The following KMT2D variants were observed in gnomAD, a reference collection of about 807,000 sequenced individuals.
KMT2D encodes the protein histone-lysine N-methyltransferase 2D.
A neutral mutation model predicts 512.7 loss-of-function variants in KMT2D; 55 were observed. The observed-to-expected ratio is 0.11, with a 90% confidence interval of 0.09 to 0.13. The LOEUF (loss-of-function observed/expected upper bound fraction) is 0.13. Among genes scored for constraint, KMT2D ranks in the 10% least tolerant of loss-of-function variants. The pLI is 1.00. For missense variants in KMT2D, 6,061 were observed against 7,127.9 expected, an observed-to-expected ratio of 0.85 and a Z score of 5.39; for synonymous variants, 2,995 against 2,904.0, an observed-to-expected ratio of 1.03 and a Z score of -1.01.
intron 49 of KMT2D, among the ~76,000 whole-genome samples, chr12:49,025,696 C>T (rs1449553611): frequency 6.6e-6 from 1 of 152,170 alleles, no homozygotes; most frequent in Non-Finnish European, 1.5e-5. Context: ...TAATACTTAC[C>T]TCATAGGGTT....
chr12:49,029,011 C>T (rs1171464721), intron 45 of KMT2D, 50 bp downstream of exon 45: 13 of 1,607,962 alleles, frequency 8.1e-6, no homozygotes, highest in East Asian at 2.2e-5. Context: ...CCCCCAGCTT[C>T]GGACAACCCA....
At position 49,038,580 on chromosome 12, in the gene KMT2D, C is replaced by A. The variant is rs1032971422; in HGVS notation, c.8776G>T (p.Val2926Leu). 1 of 1,612,510 alleles carries A rather than the reference C, an allele frequency of 6.2e-7. No homozygotes were observed. Among genetic ancestry groups the A allele is most frequent in the Non-Finnish European group, 8.5e-7 (1 of 1,179,220 alleles). Residue 2926 changes from valine (V) to leucine (L), a missense_variant, in exon 35 of 55, where the codon GTA becomes TTA. By Grantham distance (32) the Val-to-Leu change is conservative. Around this residue, in one of 16 missense-constraint regions of KMT2D, gnomAD observed 527 missense variants for 578.9 expected, o/e 0.91. Transcript: ENST00000301067. This position sits in a 1 kb window ranked among gnomAD's most constrained non-coding sequence, Gnocchi z 5.7. ...GGTTTCTGTGGGGGAAGACCTGATA[C>A]CGCCAGGCCCCGAAGCCCTTCAGGA... ...LAPEGLRGLA[V>L]SGLPPQKPSA...
At chr12:49,034,008 C>G (rs758827949) in intron 39 of KMT2D, 44 bp from the exon 40 acceptor site, 2 of 1,565,166 alleles carry the variant, frequency 1.3e-6, no homozygotes, top group South Asian at 2.3e-5. Flanking sequence ...GCATGCTCCC[C>G]CCATGCCAAC....
At position 49,050,691 on chromosome 12, in the gene KMT2D, T is replaced by A. The variant is rs370259382; in HGVS notation, c.2897A>T (p.Asp966Val). The change falls in exon 12 of 55, where the codon GAC becomes GTC. Residue 966 changes from aspartate to valine, a missense_variant. Transcript: ENST00000301067. ...AGCCAACGGTGACTCAGGGTCACTG[T>A]CCCCTTTGGCACCAAAGGGGTACTC... ...ELEYPFGAKG[D>V]SDPESPLAAP... The A allele has an allele frequency of 1.2e-6, 2 of 1,612,940 alleles. No individual in the cohort carries two copies. Among genetic ancestry groups the A allele is most frequent in the East Asian group, 2.2e-5 (1 of 44,816 alleles).
rs375609745 is a variant in KMT2D at position 49,052,787 on chromosome 12, C to T, written c.1113-78G>A. The T allele has an allele frequency of 8.1e-5, 128 of 1,585,118 alleles. No individual in the cohort carries two copies. In the African/African-American group the frequency reaches 1.3e-3, roughly 16 times the overall value. On this transcript the variant is annotated intron_variant, in intron 9 of 54. Transcript: ENST00000301067. ...CTAGAGAGCACACTGGGGGGAGGCA[C>T]GAATGCTGTGGATGGCACTGCCCAC...
rs191112586 is a variant in KMT2D, at chr12:49,034,115, G to A, written c.10692C>T (p.Leu3564=). 7 of 1,613,000 alleles carry A rather than the reference G, an allele frequency of 4.3e-6. No individual in the cohort carries two copies. The Admixed American group carries it at 8.3e-5, about 19-fold the overall frequency. The change falls in exon 39 of 55, where the codon CTC becomes CTT. Residue 3564 remains leucine (L), a synonymous_variant. Transcript: ENST00000301067. The part of the protein sequence containing the change: ...REFPEADAEK[L]KLVTEQQSKI... ...TGCTCTGCTGCTCTGTAACCAGCTT[G>A]AGCTTCTCAGCATCAGCTTCTGGGA...
intron 1 of KMT2D, among the ~76,000 whole-genome samples, chr12:49,055,819 C>CA (rs1281797703): frequency 6.6e-6 from 1 of 152,120 alleles, no homozygotes. Context: ...CTGAGTCCAG[C>CA]AAAAATCCCT....
At position 49,054,728 on chromosome 12, in the gene KMT2D, G is replaced by A. The variant is rs763380529; in HGVS notation, c.200C>T (p.Ala67Val). ...DCSGGPVRRC[A>V]LCNCGEPSLH... Reference sequence around the variant, plus strand: ...ACTGGGCTCCCCGCAGTTACAGAGAGCACAACGCCGCACCGGACCCCCACT... The same window carrying A: ...ACTGGGCTCCCCGCAGTTACAGAGAACACAACGCCGCACCGGACCCCCACT... The change falls in exon 4 of 55, where the codon GCT becomes GTT. Residue 67 changes from alanine (A) to valine (V), a missense_variant. Ala to Val is a moderately conservative substitution (Grantham distance 64, BLOSUM62 0). Coordinates refer to ENST00000301067, the MANE Select transcript of KMT2D (RefSeq NM_003482.4). The surrounding 1 kb of genome is among the most constrained non-coding windows in gnomAD (Gnocchi z 6.4). 1.9e-6 allele frequency: 3 copies of A among 1,613,690 alleles called. No homozygotes were observed. The highest frequency in any genetic ancestry group is 2.5e-6 in the Non-Finnish European group (3 of 1,179,742).
chr12:49,059,024 C>A (rs1938579786), intron 1 of KMT2D, among the ~76,000 whole-genome samples: 1 of 152,166 alleles, frequency 6.6e-6, no homozygotes, highest in Non-Finnish European at 1.5e-5. Flanking sequence ...AGCCCCGCCT[C>A]CTTCTTGCCC....
In KMT2D at chr12:49,024,787, C is replaced by A. The variant is rs756768429; in HGVS notation, c.15921+23G>T. 1.2e-6 allele frequency: 2 copies of A among 1,610,164 alleles called. No individual in the cohort carries two copies. Among genetic ancestry groups the A allele is most frequent in the Non-Finnish European group, 1.7e-6 (2 of 1,177,068 alleles). The stretch of plus-strand genomic sequence containing the variant: ...AAGTTCTCAGTGCCCGCCAAGCCCC[C>A]CAGCTCCCAGCCCCTTCCTTACTGA... On this transcript the variant is annotated intron_variant, in intron 50 of 54. Coordinates refer to ENST00000301067, the MANE Select transcript of KMT2D (RefSeq NM_003482.4). This position sits in a 1 kb window ranked among gnomAD's most constrained non-coding sequence, Gnocchi z 4.5.
chr12:49,044,564 T>C lies in KMT2D; in HGVS notation c.4964-42A>G, dbSNP rs12304391. 7.1e-3 allele frequency: 11,483 copies of C among 1,606,380 alleles called. 678 individuals carry two copies. The African/African-American group carries it at 0.13, about 18-fold the overall frequency. ...AAGAGATGGAGGCAAATCAGAACTA[T>C]AGGCCCTTTTAACCTTGTCATCCTG... On this transcript the variant is annotated intron_variant, in intron 20 of 54. Transcript: ENST00000301067. This position sits in a 1 kb window ranked among gnomAD's most constrained non-coding sequence, Gnocchi z 6.4.
At position 49,055,788 on chromosome 12, in the gene KMT2D, G is replaced by A. The variant is rs373610943; in HGVS notation, c.-37-427C>T. On this transcript the variant is annotated intron_variant, in intron 1 of 54. Coordinates refer to ENST00000301067, the MANE Select transcript of KMT2D (RefSeq NM_003482.4). ...AGAGGCCAGTCTGTGCCAACCCAGGGGTAGTCATGACCCAGGAAGCCTGAG... is the reference window on the plus strand; with the variant it reads ...AGAGGCCAGTCTGTGCCAACCCAGGAGTAGTCATGACCCAGGAAGCCTGAG... 7.2e-5 allele frequency among the ~76,000 whole-genome samples: 11 copies of A among 152,262 alleles called. No individual in the cohort carries two copies. In the South Asian group the frequency reaches 2.3e-3, roughly 32 times the overall value.
chr12:49,042,287 T>C lies in KMT2D; in HGVS notation c.5911A>G (p.Ser1971Gly). 1.9e-6 allele frequency: 3 copies of C among 1,564,488 alleles called. No homozygotes were observed. Among genetic ancestry groups the C allele is most frequent in the Admixed American group, 1.9e-5 (1 of 52,722 alleles). Residue 1971 changes from serine to glycine, a missense_variant, in exon 29 of 55, where the codon AGC becomes GGC. Physicochemically the swap from Ser to Gly is moderately conservative, Grantham distance 56. Transcript: ENST00000301067. This position sits in a 1 kb window ranked among gnomAD's most constrained non-coding sequence, Gnocchi z 4.4. ...FFSPEPGEPD[S>G]PWTGSGGTTP... is the part of the protein sequence containing the mutation. ...GTGCCACCTGAGCCCGTCCAGGGGC[T>C]GTCGGGCTCACCGGGTTCCGGGCTA...
rs756972898 is a variant in KMT2D, at chr12:49,042,627, T to C, written c.5801A>G (p.Asn1934Ser). ...GTCCATTGGGCTGCTGGAGGGCAGA[T>C]TGCCCAAAGGGAGTCCACCTACAAG... ...PFLQGGLPLG[N>S]LPSSSPMDSY... The change falls in exon 28 of 55, where the codon AAT becomes AGT. Residue 1934 changes from asparagine to serine, a missense_variant. This residue lies in a region of KMT2D where 640 missense variants were observed against 814.3 expected (regional missense o/e 0.79). Transcript: ENST00000301067. The surrounding 1 kb of genome is among the most constrained non-coding windows in gnomAD (Gnocchi z 4.4). 23 of 1,613,532 alleles carry C rather than the reference T, an allele frequency of 1.4e-5. No individual in the cohort carries two copies. The African/African-American group carries it at 1.5e-4, about 10-fold the overall frequency.
In KMT2D at chr12:49,027,087, C is replaced by T. The variant is rs370465399; in HGVS notation, c.14879G>A (p.Arg4960Gln). The change falls in exon 49 of 55, where the codon CGA (arginine) becomes CAA (glutamine). Residue 4960 changes from arginine (R) to glutamine (Q), a missense_variant. Physicochemically the swap from Arg to Gln is conservative, Grantham distance 43 (BLOSUM62 1). Transcript: ENST00000301067. ...LPLASSPESA[R>Q]PKPRARPPEE... Reference sequence around the variant, plus strand: ...AGGGGGCCGGGCACGGGGCTTGGGTCGGGCTGATTCAGGGGATGAGGCCAG... The same window carrying T: ...AGGGGGCCGGGCACGGGGCTTGGGTTGGGCTGATTCAGGGGATGAGGCCAG... 26 of 1,610,806 alleles carry T rather than the reference C, an allele frequency of 1.6e-5. No homozygotes were observed. The African/African-American group carries it at 2.1e-4, about 13-fold the overall frequency.
chr12:49,045,001 G>A (rs2120590930), intron 19 of KMT2D, 36 bp from the exon 20 acceptor site: 1 of 1,570,624 alleles, frequency 6.4e-7, no homozygotes, highest in Non-Finnish European at 8.8e-7. Context: ...TCCCTGGATG[G>A]AAGCCCCAGG....
Position 49,033,872 on chromosome 12 carries a change from T to TTGCTGTTGTTGCTGCTGCTGC in KMT2D, c.10812_10832dup (p.Gln3606_Gln3612dup), listed in dbSNP as rs772217807. ...TGAGAGCCAGCACAGCTGAGTGCTG[T>TTGCTGTTGTTGCTGCTGCTGC]TGCTGTTGTTGCTGCTGCTGCTGCT... On this transcript the variant is annotated inframe_insertion, in exon 40 of 55. Transcript: ENST00000301067. The TTGCTGTTGTTGCTGCTGCTGC allele has an allele frequency of 6.2e-4, 957 of 1,550,904 alleles. 19 individuals carry two copies. The South Asian group carries it at 0.011, about 18-fold the overall frequency.
rs1943493567 is a variant in KMT2D, at chr12:49,041,023, G to A, written c.6747C>T (p.Cys2249=). 1 of 1,577,242 alleles carries A rather than the reference G, an allele frequency of 6.3e-7. No homozygotes were observed. Among genetic ancestry groups the A allele is most frequent in the Non-Finnish European group, 8.6e-7 (1 of 1,160,756 alleles). Residue 2249 remains cysteine (C), a synonymous_variant, in exon 32 of 55, where the codon TGC becomes TGT. Coordinates refer to ENST00000301067, the MANE Select transcript of KMT2D (RefSeq NM_003482.4). This position sits in a 1 kb window ranked among gnomAD's most constrained non-coding sequence, Gnocchi z 5.4. ...GCACAGCCAAGTTATCCAGCGAGGG[G>A]CAGCGGGGTTTGAGGAATGGGTCAG... ...STPDPFLKPR[C]PSLDNLAVPE...
rs2120361023 is a variant in KMT2D, at chr12:49,026,632, C to T, written c.15334G>A (p.Val5112Ile). 6.2e-7 allele frequency: 1 copy of T among 1,614,044 alleles called. No individual in the cohort carries two copies. The highest frequency in any genetic ancestry group is 8.5e-7 in the Non-Finnish European group (1 of 1,179,906). The stretch of plus-strand genomic sequence containing the variant: ...CGGATGGCACAAGCAAAATGGTAGA[C>T]ATTGGGGCAACGCATGCGATTGCAG... ...SSCNRMRCPN[V>I]YHFACAIRAK... The change falls in exon 49 of 55, where the codon GTC (valine) becomes ATC (isoleucine). Residue 5112 changes from valine to isoleucine, a missense_variant. Around this residue, in one of 16 missense-constraint regions of KMT2D, gnomAD observed 261 missense variants for 440.7 expected, o/e 0.59. Coordinates refer to ENST00000301067, the MANE Select transcript of KMT2D (RefSeq NM_003482.4). The surrounding 1 kb of genome is among the most constrained non-coding windows in gnomAD (Gnocchi z 9.6).
Sources: gnomAD v4.1 joint callset for allele counts (sites outside exome capture counted in the v4.1 genomes callset) on GRCh38, gnomAD v4.1.1 for gene constraint, gnomAD v4.1.1 regional missense constraint, Gnocchi (gnomAD v3.1) non-coding constraint, MANE v1.5 for transcripts, NCBI Gene and HGNC (gene_info 2026-07-23, HGNC 2026-07-21) for gene names.